Variants in BRINP2 observed in about 807,000 individuals in gnomAD.
The protein encoded by BRINP2 is BMP/retinoic acid inducible neural specific 2.
A neutral mutation model predicts 69.2 loss-of-function variants in BRINP2; 21 were observed. That is an observed-to-expected ratio of 0.30 (90% CI 0.22 to 0.44). The LOEUF (loss-of-function observed/expected upper bound fraction) is 0.44, where lower values mean the gene tolerates loss of function less well. BRINP2 is among the 20% of genes least tolerant of loss of function. The pLI, the probability that BRINP2 is intolerant of heterozygous loss-of-function variation, is 1.00. For missense variants in BRINP2, 877 were observed against 986.0 expected (o/e 0.89, Z 1.48); for synonymous variants, 380 against 394.1 (o/e 0.96, Z 0.42).
chr1:177,237,533 AC>A (rs1253621516), intron 2 of BRINP2, among the ~76,000 whole-genome samples: 1 of 152,198 alleles, frequency 6.6e-6, no homozygotes, highest in Non-Finnish European at 1.5e-5. Context: ...TGGGGGCTAT[AC>A]CCAGGTTAGC....
chr1:177,204,889 C>G (rs188956516), intron 1 of BRINP2, among the ~76,000 whole-genome samples: 1 of 151,974 alleles, frequency 6.6e-6, no homozygotes, highest in Non-Finnish European at 1.5e-5. Flanking sequence ...ATTTTATAAC[C>G]TGAATTTTTC....
At chr1:177,271,822 C>A (rs184851931) in intron 4 of BRINP2, among the ~76,000 whole-genome samples, 1 of 152,236 alleles carries the variant, frequency 6.6e-6, no homozygotes, top group Admixed American at 6.5e-5. Context: ...CCTACTCATT[C>A]TTGAAAATGA....
intron 1 of BRINP2, among the ~76,000 whole-genome samples, chr1:177,205,991 A>G (rs570411305): frequency 1.3e-5 from 2 of 152,374 alleles, no homozygotes; most frequent in South Asian, 4.1e-4. Flanking sequence ...CATGAAAGTC[A>G]TAACAGCTTC....
rs566726542 is a variant in BRINP2 at position 177,225,681 on chromosome 1, C to A, written c.-76-4120C>A. 1.2e-4 allele frequency among the ~76,000 whole-genome samples: 19 copies of A among 152,284 alleles called. No homozygotes were observed. In the South Asian group the frequency reaches 3.7e-3, roughly 30 times the overall value. ...AAACAGGAAATGGCCAAAAGCTGTT[C>A]CCCTTAAAAAGCCTGATTGTAACAC... On this transcript the variant is annotated intron_variant, in intron 1 of 7. Coordinates refer to ENST00000361539, the MANE Select transcript of BRINP2 (RefSeq NM_021165.4).
chr1:177,205,511 G>A (rs1649047669), intron 1 of BRINP2, among the ~76,000 whole-genome samples: 1 of 152,168 alleles, frequency 6.6e-6, no homozygotes, highest in Admixed American at 6.5e-5. Context: ...TCATTCCTGA[G>A]AAGAATGAGT....
intron 2 of BRINP2, among the ~76,000 whole-genome samples, chr1:177,234,173 A>C (rs1471670197): frequency 1.3e-5 from 2 of 152,130 alleles, no homozygotes; most frequent in African/African-American, 4.8e-5. Context: ...CATAGCCCCC[A>C]CTGCAATAAA....
In BRINP2 at chr1:177,185,092, G is replaced by A. The variant is rs376626280; in HGVS notation, c.-77+13360G>A. On this transcript the variant is annotated intron_variant, in intron 1 of 7. Transcript: ENST00000361539. ...TCCAAATGAAATGTTACCCATACTCGGTTTGGTAGAATATTAACGTCGCCT... is the reference window on the plus strand; with the variant it reads ...TCCAAATGAAATGTTACCCATACTCAGTTTGGTAGAATATTAACGTCGCCT... Among the ~76,000 whole-genome samples, 14 of 152,044 alleles carry A rather than the reference G, an allele frequency of 9.2e-5. No individual in the cohort carries two copies. In the East Asian group the frequency reaches 1.6e-3, roughly 17 times the overall value.
rs771354904 is a variant in BRINP2, at chr1:177,281,516, A to C, written c.2340A>C (p.Lys780Asn). Residue 780 changes from lysine to asparagine, a missense_variant, in exon 8 of 8, where the codon AAA becomes AAC. Around this residue, in one of 3 missense-constraint regions of BRINP2, gnomAD observed 225 missense variants for 218.7 expected, o/e 1.03. Coordinates refer to ENST00000361539, the MANE Select transcript of BRINP2 (RefSeq NM_021165.4). ...LPNPVEYETG[K>N]LCS is the part of the protein sequence containing the mutation. ...ACCCTGTGGAATATGAGACCGGCAA[A>C]CTCTGTAGCTAATGGGCGGCCCACT... 12 of 1,603,388 alleles carry C rather than the reference A, an allele frequency of 7.5e-6. No homozygotes were observed. The highest frequency in any genetic ancestry group is 1.0e-5 in the Non-Finnish European group (12 of 1,177,654).
At chr1:177,273,362 A>G (rs1265707063) in intron 4 of BRINP2, 126 bp from the exon 5 acceptor site, 3 of 543,490 alleles carry the variant, frequency 5.5e-6, no homozygotes, top group African/African-American at 3.9e-5. Flanking sequence ...ACGAAAAGGG[A>G]CGTATCACTT....
At chr1:177,233,906 A>C (rs1649937598) in intron 2 of BRINP2, among the ~76,000 whole-genome samples, 1 of 152,206 alleles carries the variant, frequency 6.6e-6, no homozygotes, top group Non-Finnish European at 1.5e-5. Flanking sequence ...AAGAGAACAG[A>C]GACAATATGC....
intron 1 of BRINP2, among the ~76,000 whole-genome samples, chr1:177,208,617 A>G (rs1385485008): frequency 6.7e-6 from 1 of 150,094 alleles, no homozygotes; most frequent in East Asian, 2.0e-4. Context: ...ATAGCCACAG[A>G]TTTTTTTTTT....
chr1:177,233,778 T>A (rs576836473), intron 2 of BRINP2, among the ~76,000 whole-genome samples: 1 of 152,324 alleles, frequency 6.6e-6, no homozygotes, highest in Non-Finnish European at 1.5e-5. Context: ...CAAGCCCTTG[T>A]GTCTAAAGTT....
At chr1:177,191,207 A>G (rs1035127061) in intron 1 of BRINP2, among the ~76,000 whole-genome samples, 1 of 152,216 alleles carries the variant, frequency 6.6e-6, no homozygotes, top group African/African-American at 2.4e-5. Flanking sequence ...ATTTGCACAT[A>G]GAGCATTTCT....
chr1:177,255,850 A>C (rs1650738830), intron 2 of BRINP2, 69 bp from the exon 3 acceptor site: 2 of 1,467,248 alleles, frequency 1.4e-6, no homozygotes, highest in Non-Finnish European at 1.9e-6. Context: ...AACATTACCT[A>C]CTTCAGATTT....
intron 2 of BRINP2, among the ~76,000 whole-genome samples, chr1:177,232,227 C>A (rs1227355130): frequency 6.6e-6 from 1 of 152,174 alleles, no homozygotes; most frequent in Non-Finnish European, 1.5e-5. Flanking sequence ...GCTTCCTTAT[C>A]CCCTCAGGAG....
chr1:177,222,180 C>CA (rs1440553846), intron 1 of BRINP2, among the ~76,000 whole-genome samples: 1 of 152,192 alleles, frequency 6.6e-6, no homozygotes, highest in Admixed American at 6.5e-5. Flanking sequence ...ACAAAACAAA[C>CA]AAACAAAAAC....
intron 1 of BRINP2, 112 bp from the exon 2 acceptor site, chr1:177,229,689 T>G (rs960502272): frequency 1.4e-6 from 1 of 703,434 alleles, no homozygotes; most frequent in Non-Finnish European, 2.2e-6. Context: ...AACGAAGTTA[T>G]GTTACTAGCA....
At chr1:177,209,488 T>G (rs925735809) in intron 1 of BRINP2, among the ~76,000 whole-genome samples, 2 of 152,154 alleles carry the variant, frequency 1.3e-5, no homozygotes, top group Non-Finnish European at 2.9e-5. Flanking sequence ...AAGGACTGAC[T>G]AAGCACAAGG....
chr1:177,223,571 T>A (rs377062368), intron 1 of BRINP2, among the ~76,000 whole-genome samples: 1 of 152,194 alleles, frequency 6.6e-6, no homozygotes, highest in East Asian at 1.9e-4. Context: ...AGTCAGAATA[T>A]GCGAGTTTCA....
Sources: allele counts gnomAD v4.1 joint callset (sites outside exome capture counted in the v4.1 genomes callset), GRCh38; gene constraint gnomAD v4.1.1; regional missense constraint gnomAD v4.1.1; transcripts MANE v1.5; gene names NCBI Gene and HGNC (gene_info 2026-07-23, HGNC 2026-07-21).